MINDY3: variants seen among roughly 807,000 people sequenced by gnomAD.
MINDY3 encodes the protein ubiquitin carboxyl-terminal hydrolase MINDY-3.
In MINDY3, 38 loss-of-function variants were observed where a neutral mutation model predicts 69.2. That is an observed-to-expected ratio of 0.55 (90% CI 0.42 to 0.72). The LOEUF is 0.72. Ranked by LOEUF, MINDY3 falls within the 30% of genes least tolerant of loss-of-function variation. MINDY3 has a pLI of 0.00. For synonymous variants in MINDY3, 192 were observed against 180.1 expected, an observed-to-expected ratio of 1.07 and a Z score of -0.53; for missense variants, 522 against 519.0, an observed-to-expected ratio of 1.01 and a Z score of -0.06.
chr10:15,851,542 T>C (rs7070324), intron 1 of MINDY3, among the ~76,000 whole-genome samples: 4,560 of 152,024 alleles, frequency 0.03, 92 homozygotes, highest in Middle Eastern at 0.037. Flanking sequence ...AACTCAAACT[T>C]ACCTATAGGT....
Position 15,816,284 on chromosome 10 carries a change from A to AG in MINDY3, c.882+550_882+551insC, listed in dbSNP as rs1229601494. Among the ~76,000 whole-genome samples, 122 of 140,808 alleles carry AG rather than the reference A, an allele frequency of 8.7e-4. 4 individuals carry two copies. Among genetic ancestry groups the AG allele is most frequent in the African/African-American group, 3.4e-3 (108 of 31,660 alleles). 92.4% of individuals were successfully genotyped at this position (140,808 alleles called of 152,430 possible). On this transcript the variant is annotated intron_variant, in intron 10 of 14. Coordinates refer to ENST00000277632, the MANE Select transcript of MINDY3 (RefSeq NM_024948.4). The stretch of plus-strand genomic sequence containing the variant: ...TCAAAAAAAAAAAAAAAAAAAATGA[A>AG]AAAGAAAAAAAATAAAAAAGACAAG...
intron 13 of MINDY3, 173 bp from the exon 14 acceptor site, chr10:15,782,399 T>A: frequency 1.9e-6 from 1 of 535,174 alleles, no homozygotes; most frequent in Non-Finnish European, 3.2e-6. Context: ...AGCCCTGAAG[T>A]TGAAAGTGTT....
chr10:15,829,598 T>C (rs370193263), intron 8 of MINDY3, among the ~76,000 whole-genome samples: 2 of 152,272 alleles, frequency 1.3e-5, no homozygotes, highest in South Asian at 2.1e-4. Context: ...TTGGCAAGCA[T>C]TAGCAAGAGA....
chr10:15,827,916 G>A (rs578077183), intron 8 of MINDY3, among the ~76,000 whole-genome samples: 42 of 152,298 alleles, frequency 2.8e-4, no homozygotes, highest in Middle Eastern at 3.4e-3. Context: ...CAGGCAGGAT[G>A]CAGAAAAATA....
At chr10:15,838,079 G>A (rs1833209496) in intron 5 of MINDY3, 149 bp downstream of exon 5, 3 of 1,275,528 alleles carry the variant, frequency 2.4e-6, no homozygotes, top group Admixed American at 7.8e-5. Flanking sequence ...TTAATTTAAA[G>A]GCAAATTAAT....
At chr10:15,810,025 T>C (rs1435525324) in intron 10 of MINDY3, among the ~76,000 whole-genome samples, 1 of 152,180 alleles carries the variant, frequency 6.6e-6, no homozygotes, top group East Asian at 1.9e-4. Context: ...TTATTTTTAA[T>C]GATGATTCTC....
chr10:15,846,673 A>C (rs1833865681), intron 2 of MINDY3, among the ~76,000 whole-genome samples: 1 of 151,990 alleles, frequency 6.6e-6, no homozygotes, highest in African/African-American at 2.4e-5. Flanking sequence ...CTCTATATAG[A>C]GCATAAGTTC....
At chr10:15,855,621 G>A (rs1349952349) in intron 1 of MINDY3, among the ~76,000 whole-genome samples, 1 of 151,942 alleles carries the variant, frequency 6.6e-6, no homozygotes, top group East Asian at 1.9e-4. Context: ...GAACCTCATC[G>A]CAATTTTTCA....
intron 13 of MINDY3, among the ~76,000 whole-genome samples, chr10:15,785,002 G>C (rs1022567759): frequency 1.3e-5 from 2 of 152,110 alleles, no homozygotes; most frequent in African/African-American, 2.4e-5. Flanking sequence ...TGGGCCTCCA[G>C]ATCACTTGCA....
intron 2 of MINDY3, among the ~76,000 whole-genome samples, chr10:15,845,368 T>G (rs982720227): frequency 1.3e-5 from 2 of 152,232 alleles, no homozygotes. Context: ...CACAGTATCA[T>G]GATCTAATTT....
chr10:15,820,423 C>T lies in MINDY3; in HGVS notation c.801+1233G>A, dbSNP rs1040412348. 9.2e-5 allele frequency among the ~76,000 whole-genome samples: 14 copies of T among 152,260 alleles called. No homozygotes were observed. The East Asian group carries it at 2.3e-3, about 25-fold the overall frequency. On this transcript the variant is annotated intron_variant, in intron 9 of 14. Transcript: ENST00000277632. ...CTCCACCCCCTAGCCTCATACAAGA[C>T]GCAGGCATGCGTGCACATCCCACTT...
At chr10:15,789,190 CT>C (rs1837222187) in intron 12 of MINDY3, 56 bp downstream of exon 12, 1 of 1,407,278 alleles carries the variant, frequency 7.1e-7, no homozygotes, top group Admixed American at 1.7e-5. Context: ...TACAATATGT[CT>C]TAAACTTAAT....
rs1169229232 is a variant in MINDY3 at position 15,841,533 on chromosome 10, T to G, written c.302A>C (p.His101Pro). Residue 101 changes from histidine to proline, a missense_variant, in exon 4 of 15, where the codon CAC becomes CCC. His to Pro is a moderately conservative substitution (Grantham distance 77). Coordinates refer to ENST00000277632, the MANE Select transcript of MINDY3 (RefSeq NM_024948.4). The part of the protein sequence containing the change: ...CDILESACCD[H>P]SGSYCLVSWL... ...TGAAACCAAGCAGTATGATCCAGAG[T>G]GGTCACAACAAGCACTTTCTAAAAT... 4 of 1,611,498 alleles carry G rather than the reference T, an allele frequency of 2.5e-6. No individual in the cohort carries two copies. In the South Asian group the frequency reaches 3.3e-5, roughly 13 times the overall value.
intron 11 of MINDY3, among the ~76,000 whole-genome samples, chr10:15,795,382 G>C (rs1306840721): frequency 6.6e-6 from 1 of 152,028 alleles, no homozygotes; most frequent in Non-Finnish European, 1.5e-5. Context: ...TTTCAAGACA[G>C]AAGAAAGTAA....
chr10:15,826,632 A>G (rs1217201224), intron 8 of MINDY3, among the ~76,000 whole-genome samples: 2 of 152,206 alleles, frequency 1.3e-5, no homozygotes, highest in Non-Finnish European at 2.9e-5. Context: ...CAATTTTGTA[A>G]AAGTATAACA....
chr10:15,859,492 A>C (rs1834932070), intron 1 of MINDY3, among the ~76,000 whole-genome samples: 1 of 152,176 alleles, frequency 6.6e-6, no homozygotes, highest in Non-Finnish European at 1.5e-5. Flanking sequence ...GTTACAGTGC[A>C]AGAATTCAAT....
intron 10 of MINDY3, among the ~76,000 whole-genome samples, chr10:15,796,910 A>C (rs982195527): frequency 2.0e-5 from 3 of 152,072 alleles, no homozygotes; most frequent in African/African-American, 7.2e-5. Context: ...TGAATCTAAA[A>C]TGTAGGCTCC....
chr10:15,799,662 T>C (rs1336784942), intron 10 of MINDY3, among the ~76,000 whole-genome samples: 1 of 152,124 alleles, frequency 6.6e-6, no homozygotes, highest in Non-Finnish European at 1.5e-5. Context: ...GGCAGGGAGA[T>C]GTGACTTCAT....
At chr10:15,782,636 C>G (rs1202344425) in intron 13 of MINDY3, among the ~76,000 whole-genome samples, 1 of 152,156 alleles carries the variant, frequency 6.6e-6, no homozygotes, top group East Asian at 1.9e-4. Flanking sequence ...ACTAAATACA[C>G]TTCCAGTATG....
Sources: gnomAD v4.1 joint callset for allele counts (sites outside exome capture counted in the v4.1 genomes callset) on GRCh38, gnomAD v4.1.1 for gene constraint, MANE v1.5 for transcripts, NCBI Gene and HGNC (gene_info 2026-07-23, HGNC 2026-07-21) for gene names.